Variants in MTA3 observed in about 807,000 individuals in gnomAD.
MTA3 encodes the protein metastasis associated 1 family member 3.
In MTA3, 34 loss-of-function variants were observed where a neutral mutation model predicts 83.5. The observed-to-expected ratio is 0.41, with a 90% CI of 0.31 to 0.54. The LOEUF is 0.54. Ranked by LOEUF, MTA3 falls within the 20% of genes least tolerant of loss-of-function variation. The pLI, the probability that MTA3 is intolerant of heterozygous loss-of-function variation, is 0.33. For synonymous variants in MTA3, 303 were observed against 252.7 expected (o/e 1.20, Z -1.89); for missense variants, 761 against 726.4 (o/e 1.05, Z -0.55).
intron 3 of MTA3, among the ~76,000 whole-genome samples, chr2:42,585,518 A>G (rs1267081449): frequency 7.5e-6 from 1 of 132,832 alleles, no homozygotes; most frequent in African/African-American, 2.9e-5. Flanking sequence ...TCTGTCGCCC[A>G]GGCCGGAGTG....
intron 10 of MTA3, among the ~76,000 whole-genome samples, chr2:42,696,703 A>G (rs1429557375): frequency 1.3e-5 from 2 of 152,166 alleles, no homozygotes; most frequent in Non-Finnish European, 2.9e-5. Context: ...CCAGGAGTTC[A>G]TGTCCAGCCT....
chr2:42,604,928 G>A (rs1288037495), intron 3 of MTA3, among the ~76,000 whole-genome samples: 4 of 149,262 alleles, frequency 2.7e-5, no homozygotes, highest in Non-Finnish European at 1.5e-5. Context: ...AGGATCCCAA[G>A]GCAGAGGAAT....
At chr2:42,738,991 T>C (rs1012608797) in intron 16 of MTA3, among the ~76,000 whole-genome samples, 2 of 152,242 alleles carry the variant, frequency 1.3e-5, no homozygotes, top group Non-Finnish European at 2.9e-5. Context: ...TTAGCAATTT[T>C]AATTTCGCCT....
intron 9 of MTA3, among the ~76,000 whole-genome samples, chr2:42,692,771 G>A (rs6544588): frequency 0.67 from 102,581 of 152,088 alleles, 36,506 homozygotes; most frequent in African/African-American, 0.91. Flanking sequence ...GTCTCTGTTT[G>A]TCCAGCATTG....
chr2:42,495,555 G>A (rs986927144), intron 2 of MTA3, among the ~76,000 whole-genome samples: 3 of 152,084 alleles, frequency 2.0e-5, no homozygotes, highest in Non-Finnish European at 2.9e-5. Context: ...AGAATTGGAG[G>A]TGCTGATGGC....
chr2:42,628,085 T>TG (rs1446935152), intron 4 of MTA3, among the ~76,000 whole-genome samples: 1 of 152,070 alleles, frequency 6.6e-6, no homozygotes, highest in Non-Finnish European at 1.5e-5. Context: ...GGTTTCACCA[T>TG]GTTGGCCAGG....
At chr2:42,621,156 T>G (rs1483928445) in intron 4 of MTA3, among the ~76,000 whole-genome samples, 2 of 145,558 alleles carry the variant, frequency 1.4e-5, no homozygotes, top group Admixed American at 1.4e-4. Flanking sequence ...TTTTAATTGA[T>G]CATTCTTGGG....
chr2:42,530,555 G>A (rs1675916284), intron 2 of MTA3, among the ~76,000 whole-genome samples: 1 of 151,676 alleles, frequency 6.6e-6, no homozygotes, highest in Non-Finnish European at 1.5e-5. Context: ...AGGCCGAGGC[G>A]GGCAGATCAC....
At chr2:42,670,695 C>G (rs1203826806) in intron 8 of MTA3, among the ~76,000 whole-genome samples, 1 of 151,522 alleles carries the variant, frequency 6.6e-6, no homozygotes, top group Non-Finnish European at 1.5e-5. Context: ...CTGCTGGGGC[C>G]TAGTGCGAGA....
rs761845260 is a variant in MTA3 at position 42,756,036 on chromosome 2, C to G, written c.*2637C>G. The G allele has an allele frequency of 1.0e-6, 1 of 981,802 alleles. No individual in the cohort carries two copies. The highest frequency in any genetic ancestry group is 1.2e-6 in the Non-Finnish European group (1 of 826,662). The allele number at this position is 981,802 out of a possible 1,614,324, so 60.8% of individuals were successfully genotyped here. A position where few individuals can be genotyped will look rare whatever the true frequency, so the allele number is the denominator to read the frequency against. On this transcript the variant is annotated 3_prime_UTR_variant, in exon 17 of 17. Coordinates refer to ENST00000405094, the MANE Select transcript of MTA3 (RefSeq NM_001330442.2). ...AGGGCCCACCCAGGAAAATGGATTT[C>G]AAGTGGGGGTTTTCATCCAGAGATT... is the stretch of plus-strand genomic sequence containing the variant.
At chr2:42,738,871 C>T (rs1668808734) in intron 16 of MTA3, among the ~76,000 whole-genome samples, 1 of 152,162 alleles carries the variant, frequency 6.6e-6, no homozygotes, top group Non-Finnish European at 1.5e-5. Flanking sequence ...CGCTCCAAGG[C>T]TTATTAGGAA....
At chr2:42,559,330 T>A (rs969740370) in intron 2 of MTA3, among the ~76,000 whole-genome samples, 1 of 145,548 alleles carries the variant, frequency 6.9e-6, no homozygotes, top group African/African-American at 2.5e-5. Flanking sequence ...GGTGAAACCC[T>A]GTCTCTACTA....
chr2:42,607,900 G>A (rs934114197), intron 3 of MTA3, among the ~76,000 whole-genome samples: 4 of 152,192 alleles, frequency 2.6e-5, no homozygotes, highest in African/African-American at 4.8e-5. Flanking sequence ...GCAGTGAGCC[G>A]AGATTGTGCT....
chr2:42,633,199 G>A lies in MTA3; in HGVS notation c.318-6974G>A, dbSNP rs549771901. Among the ~76,000 whole-genome samples, 13 of 151,704 alleles carry A rather than the reference G, an allele frequency of 8.6e-5. No homozygotes were observed. In the South Asian group the frequency reaches 1.0e-3, roughly 12 times the overall value. On this transcript the variant is annotated intron_variant, in intron 4 of 16. Transcript: ENST00000405094. ...AATCGTTTGAACCTGGAAGGCAGAG[G>A]TTGCAGTGAGCCGAGGTTGCAGTGA...
chr2:42,641,118 G>A (rs557893933), intron 5 of MTA3, among the ~76,000 whole-genome samples: 1 of 151,912 alleles, frequency 6.6e-6, no homozygotes, highest in African/African-American at 2.4e-5. Flanking sequence ...TGTTTGCTAG[G>A]CTGGTCTTCA....
At chr2:42,601,960 C>T (rs936703729) in intron 3 of MTA3, among the ~76,000 whole-genome samples, 6 of 152,200 alleles carry the variant, frequency 3.9e-5, no homozygotes, top group Non-Finnish European at 8.8e-5. Flanking sequence ...CCACCTCAGC[C>T]CCCTGAGTAG....
At chr2:42,535,264 G>T (rs1676174382) in intron 2 of MTA3, among the ~76,000 whole-genome samples, 1 of 152,090 alleles carries the variant, frequency 6.6e-6, no homozygotes. Flanking sequence ...GCACATGCCT[G>T]TAATCCCAGC....
In MTA3 at chr2:42,524,747, T is replaced by C. The variant is rs79659655; in HGVS notation, c.-141+29493T>C. On this transcript the variant is annotated intron_variant, in intron 2 of 17. Transcript: ENST00000405592. ...CCAATCTTGGGGTGATGCTTCTTTG[T>C]CTCAGAACCTGAAAACACTAGGGCC... is the stretch of plus-strand genomic sequence containing the variant. 4.2e-3 allele frequency among the ~76,000 whole-genome samples: 629 copies of C among 151,370 alleles called. 28 individuals are homozygous for C. The East Asian group carries it at 0.1, about 24-fold the overall frequency.
chr2:42,644,307 T>C (rs1331916516), intron 6 of MTA3, 63 bp downstream of exon 6: 12 of 1,064,916 alleles, frequency 1.1e-5, no homozygotes, highest in Non-Finnish European at 1.5e-5. Flanking sequence ...CAAATATACA[T>C]GTCCTCATGT....
Sources: allele counts gnomAD v4.1 joint callset (sites outside exome capture counted in the v4.1 genomes callset), GRCh38; gene constraint gnomAD v4.1.1; transcripts MANE v1.5; gene names NCBI Gene and HGNC (gene_info 2026-07-23, HGNC 2026-07-21).